COL5A2: variants seen among roughly 807,000 people sequenced by gnomAD.
COL5A2 encodes collagen type V alpha 2 chain.
A neutral mutation model predicts 208.2 loss-of-function variants in COL5A2; 23 were observed. That is an observed-to-expected ratio of 0.11 (90% confidence interval 0.08 to 0.16). The LOEUF (loss-of-function observed/expected upper bound fraction) is 0.16, where lower values mean the gene tolerates loss of function less well. Among genes scored for constraint, COL5A2 ranks in the 10% least tolerant of loss-of-function variants. The probability of loss-of-function intolerance (pLI) is 1.00; values close to 1 mark genes in which losing one functional copy is unlikely to be tolerated. For synonymous variants in COL5A2, 625 were observed against 628.5 expected, an observed-to-expected ratio of 0.99 and a Z score of 0.08; for missense variants, 1,590 against 1,956.4, an observed-to-expected ratio of 0.81 and a Z score of 3.53.
At chr2:189,186,786 T>C (rs897874888) in intron 1 of COL5A2, among the ~76,000 whole-genome samples, 24 of 152,228 alleles carry the variant, frequency 1.6e-4, no homozygotes, top group African/African-American at 5.8e-4. Context: ...ACCAATGAAT[T>C]TAATTATCAA....
upstream of COL5A2, among the ~76,000 whole-genome samples, chr2:189,182,688 A>T (rs567513781): frequency 6.6e-6 from 1 of 152,314 alleles, no homozygotes; most frequent in Non-Finnish European, 1.5e-5. Flanking sequence ...AATAAAAATC[A>T]AAGGTTCTTG....
the COL5A2 span, among the ~76,000 whole-genome samples, chr2:189,263,220 G>C: frequency 6.6e-6 from 1 of 152,058 alleles, no homozygotes; most frequent in Admixed American, 6.6e-5. Context: ...CTAGAGAGAA[G>C]TATCCCATCC....
At chr2:189,059,951 C>T (rs1157069838) in intron 31 of COL5A2, among the ~76,000 whole-genome samples, 3 of 151,946 alleles carry the variant, frequency 2.0e-5, no homozygotes, top group Non-Finnish European at 4.4e-5. Flanking sequence ...AATTAAAGCC[C>T]TCCATAATCA....
the COL5A2 span, among the ~76,000 whole-genome samples, chr2:189,416,378 G>T: frequency 2.0e-5 from 3 of 152,182 alleles, no homozygotes; most frequent in South Asian, 4.1e-4. Flanking sequence ...ATACTATGCA[G>T]CCATAAAAAA....
chr2:189,087,990 G>A (rs1037541424), intron 8 of COL5A2, among the ~76,000 whole-genome samples: 5 of 152,106 alleles, frequency 3.3e-5, no homozygotes, highest in African/African-American at 1.2e-4. Flanking sequence ...CACAACGCTG[G>A]CCTTAAGGAT....
intron 1 of COL5A2, among the ~76,000 whole-genome samples, chr2:189,160,912 C>A (rs12104769): frequency 0.59 from 87,839 of 148,040 alleles, 27,388 homozygotes; most frequent in East Asian, 0.78. Context: ...CTTGCTGCAA[C>A]CTCTGCCTCC....
intron 1 of COL5A2, among the ~76,000 whole-genome samples, chr2:189,177,518 T>C (rs1263487338): frequency 6.6e-6 from 1 of 152,220 alleles, no homozygotes; most frequent in Non-Finnish European, 1.5e-5. Context: ...ATGACGACTT[T>C]CTTTTGCTGT....
intron 17 of COL5A2, among the ~76,000 whole-genome samples, chr2:189,072,942 TTACTC>T (rs1686310046): frequency 3.3e-5 from 5 of 152,082 alleles, no homozygotes; most frequent in African/African-American, 7.2e-5. Flanking sequence ...CTAGTACAGA[TTACTC>T]TAACTCTAAG....
chr2:189,045,776 G>T (rs774469917), intron 46 of COL5A2, 24 bp downstream of exon 46: 3 of 1,587,520 alleles, frequency 1.9e-6, no homozygotes, highest in Non-Finnish European at 1.7e-6. Flanking sequence ...AAAACTGTCA[G>T]TGTGAAATTG....
At chr2:189,069,446 T>C (rs1686223347) in intron 18 of COL5A2, among the ~76,000 whole-genome samples, 2 of 152,168 alleles carry the variant, frequency 1.3e-5, no homozygotes, top group Non-Finnish European at 2.9e-5. Flanking sequence ...ATAAACAGTG[T>C]ATACATTCGG....
chr2:189,362,189 T>C, the COL5A2 span, among the ~76,000 whole-genome samples: 2 of 152,102 alleles, frequency 1.3e-5, no homozygotes, highest in Non-Finnish European at 2.9e-5. Context: ...TTTACCATCT[T>C]GAATCTTTTG....
chr2:189,310,975 A>G, the COL5A2 span, among the ~76,000 whole-genome samples: 2 of 151,444 alleles, frequency 1.3e-5, no homozygotes, highest in Non-Finnish European at 3.0e-5. Flanking sequence ...AATGAGTACA[A>G]AAAAAAATTA....
At chr2:189,171,074 C>G (rs564869355) in intron 1 of COL5A2, among the ~76,000 whole-genome samples, 1 of 151,994 alleles carries the variant, frequency 6.6e-6, no homozygotes, top group South Asian at 2.1e-4. Context: ...TGGGTGGAAT[C>G]TGGACAGTAG....
intron 1 of COL5A2, among the ~76,000 whole-genome samples, chr2:189,214,822 C>A (rs934036588): frequency 1.4e-4 from 21 of 152,096 alleles, no homozygotes; most frequent in African/African-American, 5.1e-4. Context: ...TACTTGTTTT[C>A]TTCCATATGG....
chr2:189,188,116 G>GT (rs1688878346), intron 1 of COL5A2, among the ~76,000 whole-genome samples: 1 of 151,988 alleles, frequency 6.6e-6, no homozygotes, highest in East Asian at 1.9e-4. Context: ...TTGAGATGTG[G>GT]TTTACATAAT....
chr2:189,186,870 T>C (rs565038874), intron 1 of COL5A2, among the ~76,000 whole-genome samples: 39 of 152,350 alleles, frequency 2.6e-4, no homozygotes, highest in African/African-American at 9.4e-4. Context: ...ATCTTTAACA[T>C]TTAGACATTA....
intron 1 of COL5A2, among the ~76,000 whole-genome samples, chr2:189,192,879 T>C (rs1013620250): frequency 6.6e-6 from 1 of 152,232 alleles, no homozygotes; most frequent in African/African-American, 2.4e-5. Context: ...AAGCATGGGT[T>C]CCTATCACAA....
At chr2:189,142,197 C>T (rs747756185) in intron 1 of COL5A2, among the ~76,000 whole-genome samples, 109 of 152,030 alleles carry the variant, frequency 7.2e-4, no homozygotes, top group South Asian at 3.5e-3. Context: ...TAATAAAATA[C>T]ATTTTAGTGC....
chr2:189,395,964 A>C, the COL5A2 span, among the ~76,000 whole-genome samples: 1 of 150,882 alleles, frequency 6.6e-6, no homozygotes, highest in East Asian at 2.0e-4. Context: ...TTACAAGAAA[A>C]ATGTAGCTAC....
Sources: gnomAD v4.1 joint callset for allele counts (sites outside exome capture counted in the v4.1 genomes callset) on GRCh38, gnomAD v4.1.1 for gene constraint, MANE v1.5 for transcripts, NCBI Gene and HGNC (gene_info 2026-07-23, HGNC 2026-07-21) for gene names.